The following PLEKHB1 variants were observed in gnomAD, a reference collection of about 807,000 sequenced individuals.
PLEKHB1 encodes pleckstrin homology domain-containing family B member 1.
In PLEKHB1, 29 loss-of-function variants were observed where a neutral mutation model predicts 36.2. The observed-to-expected ratio is 0.80, with a 90% CI of 0.60 to 1.09. The LOEUF (loss-of-function observed/expected upper bound fraction) is 1.09. Ranked by LOEUF, PLEKHB1 falls within the 50% of genes least tolerant of loss-of-function variation. The probability of loss-of-function intolerance (pLI) is 0.00; values close to 1 mark genes in which losing one functional copy is unlikely to be tolerated. For missense variants in PLEKHB1, 330 were observed against 348.2 expected (o/e 0.95, Z 0.42); for synonymous variants, 138 against 140.0 (o/e 0.99, Z 0.10).
intron 2 of PLEKHB1, among the ~76,000 whole-genome samples, chr11:73,650,046 C>A (rs1944856959): frequency 6.6e-6 from 1 of 152,054 alleles, no homozygotes; most frequent in South Asian, 2.1e-4. Flanking sequence ...TCCAAGAATA[C>A]CTACCTGGCT....
At chr11:73,653,940 A>G (rs988204195) in intron 5 of PLEKHB1, among the ~76,000 whole-genome samples, 1 of 151,986 alleles carries the variant, frequency 6.6e-6, no homozygotes, top group Non-Finnish European at 1.5e-5. Context: ...TTCAATTTAT[A>G]TTTTTAAAAA....
At chr11:73,649,423 A>C (rs1944841872) in intron 2 of PLEKHB1, among the ~76,000 whole-genome samples, 1 of 151,960 alleles carries the variant, frequency 6.6e-6, no homozygotes, top group Non-Finnish European at 1.5e-5. Flanking sequence ...TTAGAACAGA[A>C]CTGTCTATCT....
rs754506580 is a variant in PLEKHB1 at position 73,651,192 on chromosome 11, C to G, written c.247+487C>G. On this transcript the variant is annotated intron_variant, in intron 3 of 7. Transcript: ENST00000354190. ...TGGCAAAACCCCGTCTCTACCAAAA[C>G]AAAAACAAACAAAAATTAGCCGGGC... Among the ~76,000 whole-genome samples the G allele has an allele frequency of 4.6e-5, 7 of 151,372 alleles. No individual in the cohort carries two copies. In the East Asian group the frequency reaches 1.2e-3, roughly 25 times the overall value.
rs369029567 is a variant in PLEKHB1, at chr11:73,651,000, A to G, written c.247+295A>G. Among the ~76,000 whole-genome samples the G allele has an allele frequency of 3.5e-5, 5 of 143,760 alleles. No individual in the cohort carries two copies. The East Asian group carries it at 1.0e-3, about 29-fold the overall frequency. The allele number at this position is 143,760 out of a possible 152,430, so 94.3% of individuals were successfully genotyped here. A position where few individuals can be genotyped will look rare whatever the true frequency, so the allele number is the denominator to read the frequency against. On this transcript the variant is annotated intron_variant, in intron 3 of 7. Coordinates refer to ENST00000354190, the MANE Select transcript of PLEKHB1 (RefSeq NM_021200.3). Reference sequence around the variant, plus strand: ...CCAACATAGCGAGACCCTGTCTCTTAAAAAAAAAAAAATTGGTGAGATGCG... The same window carrying G: ...CCAACATAGCGAGACCCTGTCTCTTGAAAAAAAAAAAATTGGTGAGATGCG...
Position 73,662,644 on chromosome 11 carries a change from CA to C in PLEKHB1, c.*1043del, listed in dbSNP as rs1945150244. ...CTGTGCCTGCCCTCAGGTGGTCCAC[CA>C]GTCTCCCCCTTTGGTTCCCTTCCAG... is the stretch of plus-strand genomic sequence containing the variant. On this transcript the variant is annotated 3_prime_UTR_variant, in exon 8 of 8. Coordinates refer to ENST00000354190, the MANE Select transcript of PLEKHB1 (RefSeq NM_021200.3). 1 of 152,442 alleles carries C rather than the reference CA, an allele frequency of 6.6e-6. No homozygotes were observed. 9.4% of individuals were successfully genotyped at this position (152,442 alleles called of 1,614,324 possible).
intron 3 of PLEKHB1, chr11:73,651,316 T>C (rs1251422470): frequency 2.5e-6 from 1 of 406,898 alleles, no homozygotes; most frequent in Non-Finnish European, 4.8e-6. Context: ...TTCATGGCAC[T>C]GCACTACAGC....
intron 3 of PLEKHB1, among the ~76,000 whole-genome samples, chr11:73,651,214 G>A (rs12364069): frequency 0.13 from 19,383 of 151,660 alleles, 1,452 homozygotes; most frequent in South Asian, 0.31. Context: ...AAAATTAGCC[G>A]GGCATGGTAG....
intron 5 of PLEKHB1, 55 bp downstream of exon 5, chr11:73,653,069 A>G (rs1446820025): frequency 5.2e-6 from 8 of 1,541,954 alleles, no homozygotes; most frequent in Middle Eastern, 1.8e-4. Context: ...CCATGGAATC[A>G]TGAGTGACTC....
chr11:73,648,655 C>T, intron 1 of PLEKHB1: 2 of 1,021,754 alleles, frequency 2.0e-6, no homozygotes, highest in Non-Finnish European at 2.3e-6. Flanking sequence ...GTTTCAAGAG[C>T]TCCTCCCTCC....
At position 73,661,740 on chromosome 11, in the gene PLEKHB1, T is replaced by G. The variant is rs1945129239; in HGVS notation, c.*138T>G. ...TTAGCTCCTTCCGGGTTTGGACCAT[T>G]CCCCCCACTCCCTACCCTTAATCCC... On this transcript the variant is annotated 3_prime_UTR_variant, in exon 8 of 8. Coordinates refer to ENST00000354190, the MANE Select transcript of PLEKHB1 (RefSeq NM_021200.3). The surrounding 1 kb of genome is among the most constrained non-coding windows in gnomAD (Gnocchi z 4.6). 2.9e-6 allele frequency: 3 copies of G among 1,026,792 alleles called. No individual in the cohort carries two copies. The African/African-American group carries it at 4.9e-5, about 17-fold the overall frequency. The allele number at this position is 1,026,792 out of a possible 1,614,324, so 63.6% of individuals were successfully genotyped here.
Position 73,661,516 on chromosome 11 carries a change from G to C in PLEKHB1, c.646G>C (p.Gly216Arg). 1 of 1,613,514 alleles carries C rather than the reference G, an allele frequency of 6.2e-7. No individual in the cohort carries two copies. Among genetic ancestry groups the C allele is most frequent in the South Asian group, 1.1e-5 (1 of 91,072 alleles). ...GCGGGAGGATCCCTGCTACAGCGCC[G>C]GCGCCCCTCTGGCCATGGGCATGCT... ...IVREDPCYSA[G>R]APLAMGMLAG... is the part of the protein sequence containing the mutation. Residue 216 changes from glycine (G) to arginine (R), a missense_variant, in exon 8 of 8, where the codon GGC becomes CGC. Physicochemically the swap from Gly to Arg is moderately radical, Grantham distance 125. Transcript: ENST00000354190. This position sits in a 1 kb window ranked among gnomAD's most constrained non-coding sequence, Gnocchi z 4.6.
At chr11:73,651,977 C>T in intron 4 of PLEKHB1, 87 bp downstream of exon 4, 1 of 1,251,620 alleles carries the variant, frequency 8.0e-7, no homozygotes, top group East Asian at 2.5e-5. Flanking sequence ...GGTTCTCTGA[C>T]CGTAGGAAGA....
In PLEKHB1 at chr11:73,661,861, G is replaced by A; in HGVS notation, c.*259G>A. ...CCAAAATCTGTTATAGACATTTATG[G>A]ATACATTTCCTCTAAACACAACAGG... On this transcript the variant is annotated 3_prime_UTR_variant, in exon 8 of 8. Transcript: ENST00000354190. The surrounding 1 kb of genome is among the most constrained non-coding windows in gnomAD (Gnocchi z 4.6). The A allele has an allele frequency of 2.2e-6, 1 of 464,584 alleles. No individual in the cohort carries two copies. The highest frequency in any genetic ancestry group is 3.6e-5 in the East Asian group (1 of 27,970). The allele number at this position is 464,584 out of a possible 1,614,324, so 28.8% of individuals were successfully genotyped here.
intron 6 of PLEKHB1, among the ~76,000 whole-genome samples, chr11:73,658,660 A>G (rs1945042644): frequency 6.6e-6 from 1 of 152,074 alleles, no homozygotes; most frequent in Non-Finnish European, 1.5e-5. Flanking sequence ...TCTGTTGCCC[A>G]GGCTGGAGTG....
intron 5 of PLEKHB1, among the ~76,000 whole-genome samples, 180 bp downstream of exon 5, chr11:73,653,194 T>C (rs144761393): frequency 1.1e-3 from 170 of 152,218 alleles, no homozygotes; most frequent in African/African-American, 3.7e-3. Context: ...CAACTGGTGC[T>C]CAGAGGAGAG....
At position 73,649,017 on chromosome 11, in the gene PLEKHB1, G is replaced by T; in HGVS notation, c.24G>T (p.Pro8=). MSPAAPV[P]PDSALESPFE... is the part of the protein sequence containing the mutation. ...TCCCGTGGCTCCTCTGACAGGTCCC[G>T]CCTGACTCCGCTCTGGAAAGTCCTT... The change falls in exon 2 of 8, where the codon CCG becomes CCT. Residue 8 remains proline (P), a synonymous_variant. Transcript: ENST00000354190. 4 of 1,592,804 alleles carry T rather than the reference G, an allele frequency of 2.5e-6. No individual in the cohort carries two copies. Among genetic ancestry groups the T allele is most frequent in the Non-Finnish European group, 3.4e-6 (4 of 1,169,790 alleles).
At chr11:73,648,675 C>T in intron 1 of PLEKHB1, 3 of 1,040,478 alleles carry the variant, frequency 2.9e-6, no homozygotes, top group Non-Finnish European at 3.5e-6. Context: ...CAGCCTCTGC[C>T]TGCCTCACAG....
intron 1 of PLEKHB1, 134 bp from the exon 2 acceptor site, chr11:73,648,878 C>A: frequency 7.0e-7 from 1 of 1,427,758 alleles, no homozygotes; most frequent in East Asian, 2.7e-5. Flanking sequence ...GGGAGGAGGC[C>A]GAGGCCGCCT....
chr11:73,656,734 G>T (rs1945000396), intron 6 of PLEKHB1, among the ~76,000 whole-genome samples: 1 of 152,158 alleles, frequency 6.6e-6, no homozygotes, highest in African/African-American at 2.4e-5. Context: ...TTACACAGTG[G>T]TGCTCAGTGT....
Sources: gnomAD v4.1 joint callset for allele counts (sites outside exome capture counted in the v4.1 genomes callset) on GRCh38, gnomAD v4.1.1 for gene constraint, Gnocchi (gnomAD v3.1) non-coding constraint, MANE v1.5 for transcripts, NCBI Gene and HGNC (gene_info 2026-07-23, HGNC 2026-07-21) for gene names.